DHRS4L2: variants seen among roughly 807,000 people sequenced by gnomAD.
DHRS4L2 encodes dehydrogenase/reductase SDR family member 4-like 2.
Under a neutral mutation model 23.9 loss-of-function variants are expected in DHRS4L2, and 22 were observed. The observed-to-expected ratio is 0.92, with a 90% confidence interval of 0.66 to 1.31. The LOEUF is 1.31. DHRS4L2 is among the 40% of genes most tolerant of loss of function. The pLI, the probability that DHRS4L2 is intolerant of heterozygous loss-of-function variation, is 0.00. For synonymous variants in DHRS4L2, 141 were observed against 123.7 expected, an observed-to-expected ratio of 1.14 and a Z score of -0.93; for missense variants, 385 against 303.3, an observed-to-expected ratio of 1.27 and a Z score of -2.00.
At chr14:24,001,582 GA>G in intron 6 of DHRS4L2, 65 bp downstream of exon 6, 1 of 1,573,804 alleles carries the variant, frequency 6.4e-7, no homozygotes, top group Non-Finnish European at 8.6e-7. Context: ...CTTGGACAGG[GA>G]AGCCCACTAC....
At chr14:23,973,446 G>C (rs577125557) in intron 1 of DHRS4L2, among the ~76,000 whole-genome samples, 1 of 151,938 alleles carries the variant, frequency 6.6e-6, no homozygotes, top group Non-Finnish European at 1.5e-5. Context: ...GTGCAGCGGC[G>C]GGCTGAAGGG....
Position 23,990,222 on chromosome 14 carries a change from G to T in DHRS4L2, c.169G>T (p.Ala57Ser). 1 of 1,612,858 alleles carries T rather than the reference G, an allele frequency of 6.2e-7. No individual in the cohort carries two copies. Among genetic ancestry groups the T allele is most frequent in the Non-Finnish European group, 8.5e-7 (1 of 1,179,380 alleles). Residue 57 changes from alanine (A) to serine (S), a missense_variant, in exon 2 of 8, where the codon GCC (alanine) becomes TCC (serine). By Grantham distance (99) the Ala-to-Ser change is moderately conservative (BLOSUM62 1). Transcript: ENST00000335125. ...CGCCCGGCGTTTGGCCCAGGACAGGGCCCACGTGGTCGTCAGCAGCCGGAA... is the reference window on the plus strand; with the variant it reads ...CGCCCGGCGTTTGGCCCAGGACAGGTCCCACGTGGTCGTCAGCAGCCGGAA... ...AIARRLAQDR[A>S]HVVVSSRKQQ...
upstream of DHRS4L2, chr14:23,988,821 C>A (rs1423766560): frequency 1.4e-6 from 2 of 1,420,200 alleles, no homozygotes; most frequent in African/African-American, 1.4e-5. Flanking sequence ...CCGCCACAGA[C>A]GACTCCCAGC....
In DHRS4L2 at chr14:24,001,610, C is replaced by A. The variant is rs566788091; in HGVS notation, c.665+93C>A. On this transcript the variant is annotated intron_variant, in intron 6 of 7. Coordinates refer to ENST00000335125, the MANE Select transcript of DHRS4L2 (RefSeq NM_198083.4). ...GCCCACTACCTGAGTCCTGAGCTCT[C>A]AGCCACTCCATTCTCCTTCCCTGGA... is the stretch of plus-strand genomic sequence containing the variant. 18 of 1,523,590 alleles carry A rather than the reference C, an allele frequency of 1.2e-5. 1 individual carries two copies. In the East Asian group the frequency reaches 3.7e-4, roughly 32 times the overall value. 94.4% of individuals were successfully genotyped at this position (1,523,590 alleles called of 1,614,324 possible).
chr14:23,999,593 A>G (rs1384490816), intron 3 of DHRS4L2, among the ~76,000 whole-genome samples: 1 of 142,412 alleles, frequency 7.0e-6, no homozygotes, highest in African/African-American at 2.6e-5. Context: ...ATAACAGATT[A>G]TGGTTGTGTA....
chr14:23,977,946 G>T (rs1445932086), intron 1 of DHRS4L2, among the ~76,000 whole-genome samples: 1 of 151,496 alleles, frequency 6.6e-6, no homozygotes. Flanking sequence ...TTATAATTTT[G>T]CTAAACACTC....
intron 3 of DHRS4L2, among the ~76,000 whole-genome samples, chr14:23,999,266 G>C (rs893332651): frequency 7.0e-6 from 1 of 143,380 alleles, no homozygotes; most frequent in African/African-American, 2.5e-5. Context: ...ACCAAAATGT[G>C]ACCCAGAGAC....
chr14:23,981,168 CAGAG>C (rs972200026), intron 1 of DHRS4L2, among the ~76,000 whole-genome samples: 1 of 150,626 alleles, frequency 6.6e-6, no homozygotes, highest in African/African-American at 2.5e-5. Flanking sequence ...CAATAATAGA[CAGAG>C]AGCCAAATCA....
chr14:23,982,396 A>G (rs1313709280), intron 1 of DHRS4L2, among the ~76,000 whole-genome samples: 8 of 151,682 alleles, frequency 5.3e-5, no homozygotes, highest in Admixed American at 5.2e-4. Context: ...AGGGCAAAGC[A>G]ATTGTTCAGG....
chr14:23,988,694 A>C, upstream of DHRS4L2: 1 of 1,071,626 alleles, frequency 9.3e-7, no homozygotes. Flanking sequence ...CGAGCCCTAC[A>C]GGCAACTTGA....
chr14:23,995,669 A>G (rs1052557917), intron 3 of DHRS4L2, among the ~76,000 whole-genome samples: 23 of 151,900 alleles, frequency 1.5e-4, no homozygotes, highest in African/African-American at 5.6e-4. Context: ...AGAAAATCTG[A>G]GATCCAGATG....
chr14:24,004,635 G>C lies in DHRS4L2; in HGVS notation c.*22+243G>C. ...AGTGCAGAGGTCTCGGAGAAGCCCT[G>C]AGTCCTCTCTCCACCTGGGGGATTG... On this transcript the variant is annotated intron_variant, in intron 7 of 7. Transcript: ENST00000335125. 5.7e-6 allele frequency: 4 copies of C among 699,282 alleles called. 1 individual carries two copies. The highest frequency in any genetic ancestry group is 1.0e-5 in the Non-Finnish European group (4 of 399,946). The allele number at this position is 699,282 out of a possible 1,614,324, so 43.3% of individuals were successfully genotyped here.
At position 24,000,930 on chromosome 14, in the gene DHRS4L2, G is replaced by A. The variant is rs372826656; in HGVS notation, c.476G>A (p.Arg159Gln). Reference sequence around the variant, plus strand: ...GCAGTGGTGCCAGAAATGGAGAAACGAGGGTACAGAGAGTGAGAGAGAGCC... The same window carrying A: ...GCAGTGGTGCCAGAAATGGAGAAACAAGGGTACAGAGAGTGAGAGAGAGCC... Reference protein sequence around the residue: ...TKAVVPEMEKRGGGSVVIVSS... With the variant: ...TKAVVPEMEKQGGGSVVIVSS... The change falls in exon 4 of 8, where the codon CGA becomes CAA. Residue 159 changes from arginine to glutamine, a missense_variant. Physicochemically the swap from Arg to Gln is conservative, Grantham distance 43 (BLOSUM62 1). Coordinates refer to ENST00000335125, the MANE Select transcript of DHRS4L2 (RefSeq NM_198083.4). 6 of 1,611,224 alleles carry A rather than the reference G, an allele frequency of 3.7e-6. No individual in the cohort carries two copies. Among genetic ancestry groups the A allele is most frequent in the Non-Finnish European group, 4.2e-6 (5 of 1,179,416 alleles).
chr14:24,006,213 T>G lies in DHRS4L2; in HGVS notation c.*350T>G. On this transcript the variant is annotated 3_prime_UTR_variant, in exon 8 of 8. Coordinates refer to ENST00000335125, the MANE Select transcript of DHRS4L2 (RefSeq NM_198083.4). ...TGTGGCCTTGGGTAAAGGCCTCCCC[T>G]GAGAACACAGGACAGGCCTGCTGAC... 2.4e-6 allele frequency: 2 copies of G among 821,330 alleles called. No individual in the cohort carries two copies. Among genetic ancestry groups the G allele is most frequent in the South Asian group, 2.0e-5 (1 of 50,158 alleles). 50.9% of individuals were successfully genotyped at this position (821,330 alleles called of 1,614,324 possible).
intron 7 of DHRS4L2, chr14:24,004,731 AATGACAC>A: frequency 2.5e-6 from 1 of 401,066 alleles, no homozygotes; most frequent in South Asian, 2.4e-5. Flanking sequence ...CCCCTTGAAT[AATGACAC>A]ATGTTTACAA....
intron 7 of DHRS4L2, 97 bp from the exon 8 acceptor site, chr14:24,005,789 T>G: frequency 1.3e-6 from 2 of 1,552,994 alleles, no homozygotes; most frequent in South Asian, 2.4e-5. Flanking sequence ...AGTCATCTGA[T>G]AATTCTTGAT....
chr14:23,974,989 C>CA (rs1264556773), intron 1 of DHRS4L2, among the ~76,000 whole-genome samples: 1 of 151,714 alleles, frequency 6.6e-6, no homozygotes, highest in Non-Finnish European at 1.5e-5. Context: ...AACATCAATG[C>CA]AAAAATCCTC....
intron 1 of DHRS4L2, among the ~76,000 whole-genome samples, chr14:23,973,103 G>A (rs2033895669): frequency 6.6e-6 from 1 of 151,922 alleles, no homozygotes; most frequent in Admixed American, 6.5e-5. Context: ...TATCTCGACT[G>A]CAAGAGGCTT....
At position 23,975,404 on chromosome 14, in the gene DHRS4L2, C is replaced by CA. The variant is rs1347512145; in HGVS notation, c.-176+5075dup. On this transcript the variant is annotated intron_variant, in intron 1 of 5. Transcript: ENST00000534993. ...TGAAGGACCTCTTCAAGGAAAACTACAAACCACTGCTCAAGGAAATAAGTG... is the reference window on the plus strand; with the variant it reads ...TGAAGGACCTCTTCAAGGAAAACTACAAAACCACTGCTCAAGGAAATAAGTG... Among the ~76,000 whole-genome samples the CA allele has an allele frequency of 8.6e-5, 13 of 151,814 alleles. 1 individual carries two copies. The highest frequency in any genetic ancestry group is 3.1e-4 in the African/African-American group (13 of 41,398).
Sources: allele counts gnomAD v4.1 joint callset (sites outside exome capture counted in the v4.1 genomes callset), GRCh38; gene constraint gnomAD v4.1.1; transcripts MANE v1.5; gene names NCBI Gene and HGNC (gene_info 2026-07-23, HGNC 2026-07-21).